The following PRR16 variants were observed in gnomAD, a reference collection of about 807,000 sequenced individuals.
PRR16 encodes the protein protein Largen.
Under a neutral mutation model 18.2 loss-of-function variants are expected in PRR16, and 6 were observed. That is an observed-to-expected ratio of 0.33 (90% CI 0.18 to 0.65). The LOEUF (loss-of-function observed/expected upper bound fraction) is 0.65. Ranked by LOEUF, PRR16 falls within the 30% of genes least tolerant of loss-of-function variation. The pLI is 0.74. For missense variants in PRR16, 412 were observed against 376.6 expected, an observed-to-expected ratio of 1.09 and a Z score of -0.78; for synonymous variants, 151 against 147.8, an observed-to-expected ratio of 1.02 and a Z score of -0.16.
intron 1 of PRR16, among the ~76,000 whole-genome samples, chr5:120,651,432 G>C (rs1193266145): frequency 2.0e-5 from 3 of 151,992 alleles, no homozygotes; most frequent in African/African-American, 7.2e-5. Flanking sequence ...GTATTGCCTA[G>C]GTTTTCTTCT....
the PRR16 span, among the ~76,000 whole-genome samples, chr5:120,707,907 A>G: frequency 6.6e-6 from 1 of 152,206 alleles, no homozygotes. Flanking sequence ...TCCTGGGGTC[A>G]GATCCAGGTG....
chr5:120,783,043 A>C, the PRR16 span, among the ~76,000 whole-genome samples: 1 of 152,164 alleles, frequency 6.6e-6, no homozygotes, highest in Non-Finnish European at 1.5e-5. Flanking sequence ...GGATGTACAG[A>C]TTCCTTAGGC....
rs576503075 is a variant in PRR16, at chr5:120,553,812, A to G, written c.159+89167A>G. 1.2e-4 allele frequency among the ~76,000 whole-genome samples: 19 copies of G among 152,042 alleles called. No individual in the cohort carries two copies. In the East Asian group the frequency reaches 3.7e-3, roughly 29 times the overall value. On this transcript the variant is annotated intron_variant, in intron 1 of 1. Coordinates refer to ENST00000407149, the MANE Select transcript of PRR16 (RefSeq NM_001300783.2). ...CATTACAACTTGGTATATTATTACC[A>G]ATGGAAAAAAACATACTCAGATTAT...
chr5:120,595,932 G>A (rs978219326), intron 1 of PRR16, among the ~76,000 whole-genome samples: 3 of 151,872 alleles, frequency 2.0e-5, no homozygotes, highest in Non-Finnish European at 2.9e-5. Context: ...CTGTCAAAAT[G>A]TAATATTTTG....
At chr5:120,481,191 A>C in intron 1 of PRR16, 2 of 884,334 alleles carry the variant, frequency 2.3e-6, no homozygotes, top group Non-Finnish European at 3.2e-6. Flanking sequence ...TCTGTTGCCC[A>C]GGCTAGAGTG....
intron 1 of PRR16, among the ~76,000 whole-genome samples, chr5:120,631,264 T>G (rs1389996286): frequency 3.3e-5 from 5 of 152,108 alleles, no homozygotes; most frequent in African/African-American, 9.7e-5. Flanking sequence ...CAGAGCAGCT[T>G]GTGGAGACTT....
At chr5:120,787,807 G>A in the PRR16 span, among the ~76,000 whole-genome samples, 1 of 151,838 alleles carries the variant, frequency 6.6e-6, no homozygotes, top group Non-Finnish European at 1.5e-5. Flanking sequence ...ACACTTCTAG[G>A]CACGCTCCTC....
chr5:120,479,518 C>A (rs1200160302), intron 1 of PRR16, among the ~76,000 whole-genome samples: 1 of 151,962 alleles, frequency 6.6e-6, no homozygotes, highest in Non-Finnish European at 1.5e-5. Flanking sequence ...CTAATGAGAT[C>A]ATTTTGCTTT....
intron 1 of PRR16, among the ~76,000 whole-genome samples, chr5:120,566,053 G>A (rs1162507635): frequency 6.6e-6 from 1 of 152,188 alleles, no homozygotes; most frequent in Non-Finnish European, 1.5e-5. Context: ...TGCCATTGCA[G>A]CAATATTAAG....
In PRR16 at chr5:120,673,968, A is replaced by AAT. The variant is rs1408029628; in HGVS notation, c.160-11985_160-11984insTA. ...GACCCTTTCTCAAAGAAAAAAAAAAAACCTACTAAAACATGTGCATTCATC... is the reference window on the plus strand; with the variant it reads ...GACCCTTTCTCAAAGAAAAAAAAAAAATACCTACTAAAACATGTGCATTCATC... On this transcript the variant is annotated intron_variant, in intron 1 of 1. Transcript: ENST00000407149. Among the ~76,000 whole-genome samples, 27 of 150,114 alleles carry AAT rather than the reference A, an allele frequency of 1.8e-4. No homozygotes were observed. In the East Asian group the frequency reaches 3.3e-3, roughly 19 times the overall value.
intron 1 of PRR16, among the ~76,000 whole-genome samples, chr5:120,526,619 C>T (rs1217288722): frequency 6.6e-6 from 1 of 152,066 alleles, no homozygotes; most frequent in African/African-American, 2.4e-5. Flanking sequence ...TGCTCTCTAC[C>T]AGAGATTGGA....
intron 1 of PRR16, among the ~76,000 whole-genome samples, chr5:120,600,761 T>C (rs1482500552): frequency 6.6e-6 from 1 of 151,976 alleles, no homozygotes; most frequent in Non-Finnish European, 1.5e-5. Flanking sequence ...GTGTCTACTG[T>C]TCCCATCTTT....
the PRR16 span, among the ~76,000 whole-genome samples, chr5:120,699,290 A>G: frequency 6.6e-6 from 1 of 152,180 alleles, no homozygotes; most frequent in Non-Finnish European, 1.5e-5. Flanking sequence ...ACTATAGCAT[A>G]ACCTGTCTTT....
the PRR16 span, among the ~76,000 whole-genome samples, chr5:120,715,416 G>T: frequency 6.6e-6 from 1 of 152,128 alleles, no homozygotes; most frequent in Non-Finnish European, 1.5e-5. Flanking sequence ...TCTATTTATG[G>T]CTTAACTGGG....
chr5:120,764,356 C>T, the PRR16 span, among the ~76,000 whole-genome samples: 26 of 152,134 alleles, frequency 1.7e-4, no homozygotes, highest in African/African-American at 5.8e-4. Flanking sequence ...TGTAATATGT[C>T]ACATTTATCA....
the PRR16 span, among the ~76,000 whole-genome samples, chr5:120,721,693 T>C: frequency 6.6e-6 from 1 of 152,052 alleles, no homozygotes; most frequent in South Asian, 2.1e-4. Context: ...TAAAGAAAAC[T>C]AATGTGAACT....
At chr5:120,485,141 C>T (rs549790195) in intron 1 of PRR16, among the ~76,000 whole-genome samples, 1 of 152,082 alleles carries the variant, frequency 6.6e-6, no homozygotes, top group Admixed American at 6.6e-5. Flanking sequence ...GTTAAGCACT[C>T]CTAATTTACA....
the PRR16 span, among the ~76,000 whole-genome samples, chr5:120,756,226 A>G: frequency 3.4e-3 from 513 of 152,148 alleles, 3 homozygotes; most frequent in African/African-American, 0.012. Context: ...TCCATTTTTC[A>G]TCTGCACAGA....
At chr5:120,626,868 A>G (rs1754882543) in intron 1 of PRR16, among the ~76,000 whole-genome samples, 1 of 152,088 alleles carries the variant, frequency 6.6e-6, no homozygotes, top group East Asian at 1.9e-4. Flanking sequence ...TACTGACCTT[A>G]TTTCTCTTGG....
Sources: allele counts gnomAD v4.1 joint callset (sites outside exome capture counted in the v4.1 genomes callset), GRCh38; gene constraint gnomAD v4.1.1; transcripts MANE v1.5; gene names NCBI Gene and HGNC (gene_info 2026-07-23, HGNC 2026-07-21).